The following KLC1 variants were observed in gnomAD, a reference collection of about 807,000 sequenced individuals.
KLC1 encodes the protein kinesin light chain 1.
A neutral mutation model predicts 84.2 loss-of-function variants in KLC1; 30 were observed. That is an observed-to-expected ratio of 0.36 (90% CI 0.27 to 0.48). KLC1 has a LOEUF of 0.48. Ranked by LOEUF, KLC1 falls within the 20% of genes least tolerant of loss-of-function variation. The pLI is 0.99. For missense variants in KLC1, 499 were observed against 805.4 expected, an observed-to-expected ratio of 0.62 and a Z score of 4.60; for synonymous variants, 289 against 293.3, an observed-to-expected ratio of 0.99 and a Z score of 0.15.
intron 14 of KLC1, 68 bp downstream of exon 14, chr14:103,687,279 C>T: frequency 1.4e-6 from 2 of 1,426,206 alleles, no homozygotes; most frequent in Non-Finnish European, 1.9e-6. Context: ...CTTCCTAGCG[C>T]AGCCTTCCTC....
chr14:103,631,684 G>A (rs1413786216), intron 1 of KLC1, among the ~76,000 whole-genome samples: 1 of 151,980 alleles, frequency 6.6e-6, no homozygotes, highest in Non-Finnish European at 1.5e-5. Context: ...TGCAACCTCC[G>A]CCTCCCAGGT....
At chr14:103,685,620 C>T in intron 13 of KLC1, 1 of 1,289,378 alleles carries the variant, frequency 7.8e-7, no homozygotes, top group South Asian at 1.2e-5. Flanking sequence ...GGTTTTCTCT[C>T]TCCTTTCTGT....
chr14:103,664,705 G>A (rs2079597973), intron 5 of KLC1, among the ~76,000 whole-genome samples: 1 of 151,618 alleles, frequency 6.6e-6, no homozygotes, highest in Admixed American at 6.6e-5. Flanking sequence ...CATAGAGACA[G>A]CGTTTTGCCA....
intron 15 of KLC1, chr14:103,695,881 T>C (rs926696169): frequency 2.0e-6 from 2 of 985,214 alleles, no homozygotes; most frequent in African/African-American, 3.5e-5. Flanking sequence ...GGAATCTGAG[T>C]ACCTGAGTCC....
chr14:103,699,624 C>G lies in KLC1; in HGVS notation c.1849-1031C>G, dbSNP rs781670530. On this transcript the variant is annotated intron_variant, in intron 15 of 16. Transcript: ENST00000334553. ...CTATGCTGGTCAGCAAGTCCCCGCC[C>G]CAGGTGACCAGACCCCGTTTGGACT... The G allele has an allele frequency of 5.0e-6, 8 of 1,593,000 alleles. No homozygotes were observed. In the African/African-American group the frequency reaches 1.1e-4, roughly 21 times the overall value.
intron 15 of KLC1, chr14:103,699,599 CT>C (rs758224160): frequency 6.2e-7 from 1 of 1,612,274 alleles, no homozygotes; most frequent in Non-Finnish European, 8.5e-7. Context: ...CTGTCATTGT[CT>C]ATGCTGGTCA....
Position 103,691,155 on chromosome 14 carries a change from C to T in KLC1, c.1782-1204C>T, listed in dbSNP as rs1319805111. Among the ~76,000 whole-genome samples, 28 of 129,458 alleles carry T rather than the reference C, an allele frequency of 2.2e-4. 1 individual carries two copies. The highest frequency in any genetic ancestry group is 6.3e-4 in the African/African-American group (21 of 33,354). 84.9% of individuals were successfully genotyped at this position (129,458 alleles called of 152,430 possible). ...CTCTGCTCCCAGATGGTTCCCCCCA[C>T]TTTTTTTTTTTTTTTTTTTCTGAGA... On this transcript the variant is annotated intron_variant, in intron 14 of 16. Transcript: ENST00000334553.
chr14:103,633,360 G>T (rs559071735), intron 1 of KLC1, among the ~76,000 whole-genome samples: 6 of 152,148 alleles, frequency 3.9e-5, no homozygotes, highest in African/African-American at 1.2e-4. Flanking sequence ...CCTGGCCGGA[G>T]GGTTGGAAGA....
intron 16 of KLC1, 124 bp downstream of exon 16, chr14:103,700,851 G>A (rs2083130295): frequency 1.3e-6 from 1 of 799,162 alleles, no homozygotes; most frequent in Non-Finnish European, 1.9e-6. Context: ...GCCAGGCTGG[G>A]CCTCCAAGAG....
At position 103,692,567 on chromosome 14, in the gene KLC1, T is replaced by C. The variant is rs1156302035; in HGVS notation, c.1848+142T>C. 5 of 611,162 alleles carry C rather than the reference T, an allele frequency of 8.2e-6. No homozygotes were observed. The East Asian group carries it at 1.4e-4, about 17-fold the overall frequency. 37.9% of individuals were successfully genotyped at this position (611,162 alleles called of 1,614,324 possible). On this transcript the variant is annotated intron_variant, in intron 15 of 16. Coordinates refer to ENST00000334553, the MANE Select transcript of KLC1 (RefSeq NM_001394837.1). ...GCCACGTTTGTTCCTAGACAGACAGTTGTGACAGTAGTATTTTTATATTCT... is the reference window on the plus strand; with the variant it reads ...GCCACGTTTGTTCCTAGACAGACAGCTGTGACAGTAGTATTTTTATATTCT...
rs749387959 is a variant in KLC1 at position 103,669,566 on chromosome 14, C to T, written c.853C>T (p.Arg285Cys). ...ANLLNDALAI[R>C]EKTLGKDHPA... Reference sequence around the variant, plus strand: ...CCTACTGAATGATGCCTTGGCTATTCGTGAGAAAACTTTGGGCAAAGATCA... The same window carrying T: ...CCTACTGAATGATGCCTTGGCTATTTGTGAGAAAACTTTGGGCAAAGATCA... Residue 285 changes from arginine to cysteine, a missense_variant, in exon 6 of 17, where the codon CGT becomes TGT. Arg to Cys is a radical substitution (Grantham distance 180). Coordinates refer to ENST00000334553, the MANE Select transcript of KLC1 (RefSeq NM_001394837.1). The T allele has an allele frequency of 1.2e-6, 2 of 1,612,248 alleles. No homozygotes were observed. Among genetic ancestry groups the T allele is most frequent in the Non-Finnish European group, 1.7e-6 (2 of 1,178,478 alleles).
intron 5 of KLC1, among the ~76,000 whole-genome samples, chr14:103,669,264 G>A (rs1488609687): frequency 6.6e-6 from 1 of 151,428 alleles, no homozygotes; most frequent in African/African-American, 2.4e-5. Context: ...GTGAAATCCC[G>A]TCTCTACTAA....
At chr14:103,641,512 CT>C (rs1423163217) in intron 1 of KLC1, among the ~76,000 whole-genome samples, 2 of 152,276 alleles carry the variant, frequency 1.3e-5, no homozygotes, top group East Asian at 1.9e-4. Flanking sequence ...TGCAGACCCT[CT>C]TTCTGGTTGC....
In KLC1 at chr14:103,680,533, T is replaced by C. The variant is rs185067164; in HGVS notation, c.1650+988T>C. ...TAGGAGCTAGCATTCTAAATAAATATTTTATAAAAAATGTTAGTAGCAAAA... is the reference window on the plus strand; with the variant it reads ...TAGGAGCTAGCATTCTAAATAAATACTTTATAAAAAATGTTAGTAGCAAAA... On this transcript the variant is annotated intron_variant, in intron 13 of 16. Transcript: ENST00000334553. 2.9e-4 allele frequency among the ~76,000 whole-genome samples: 44 copies of C among 152,344 alleles called. 1 individual carries two copies. Among genetic ancestry groups the C allele is most frequent in the Non-Finnish European group, 5.7e-4 (39 of 68,028 alleles).
intron 15 of KLC1, chr14:103,699,474 C>A (rs768891111): frequency 1.9e-6 from 3 of 1,612,850 alleles, no homozygotes; most frequent in Non-Finnish European, 2.5e-6. Flanking sequence ...CTGTCAAATT[C>A]ACAGCGGAAT....
chr14:103,667,168 A>G (rs775952518), intron 5 of KLC1, among the ~76,000 whole-genome samples: 6 of 151,634 alleles, frequency 4.0e-5, no homozygotes, highest in African/African-American at 7.3e-5. Context: ...CTGGAGTGCA[A>G]TGGCACAATC....
chr14:103,670,326 T>TTG (rs914178559), intron 7 of KLC1, 43 bp downstream of exon 7: 8 of 1,445,346 alleles, frequency 5.5e-6, no homozygotes, highest in African/African-American at 1.4e-5. Context: ...GATTTTTGTT[T>TTG]TGTGTGTGTG....
chr14:103,651,044 C>T (rs905276590), intron 1 of KLC1, among the ~76,000 whole-genome samples: 2 of 152,084 alleles, frequency 1.3e-5, no homozygotes, highest in Non-Finnish European at 2.9e-5. Flanking sequence ...GAGTCTTGCT[C>T]TGTCGCCCAG....
intron 1 of KLC1, among the ~76,000 whole-genome samples, chr14:103,651,674 CCT>C (rs2078455083): frequency 6.6e-6 from 1 of 152,212 alleles, no homozygotes; most frequent in Non-Finnish European, 1.5e-5. Flanking sequence ...CCGTGCTGCT[CCT>C]CTAGCCTTGG....
Sources: allele counts gnomAD v4.1 joint callset (sites outside exome capture counted in the v4.1 genomes callset), GRCh38; gene constraint gnomAD v4.1.1; transcripts MANE v1.5; gene names NCBI Gene and HGNC (gene_info 2026-07-23, HGNC 2026-07-21).